The following MATN2 variants were observed in gnomAD, a reference collection of about 807,000 sequenced individuals.
The protein encoded by MATN2 is matrilin-2.
In MATN2, 69 loss-of-function variants were observed where a neutral mutation model predicts 103.2. The ratio of observed to expected loss-of-function variants is 0.67; its 90% CI spans 0.55 to 0.82. The LOEUF (loss-of-function observed/expected upper bound fraction) is 0.82, where lower values mean the gene tolerates loss of function less well. Ranked by LOEUF, MATN2 falls within the 40% of genes least tolerant of loss-of-function variation. The pLI is 0.00. For synonymous variants in MATN2, 429 were observed against 450.2 expected (o/e 0.95, Z 0.60); for missense variants, 1,023 against 1,211.5 (o/e 0.84, Z 2.31).
intron 1 of MATN2, among the ~76,000 whole-genome samples, chr8:97,869,947 A>C (rs1298565577): frequency 6.6e-6 from 1 of 152,132 alleles, no homozygotes; most frequent in East Asian, 1.9e-4. Flanking sequence ...ACTCGCGCCC[A>C]CCCTGAACAA....
chr8:98,028,163 G>A (rs1813880253), intron 14 of MATN2, among the ~76,000 whole-genome samples: 2 of 152,234 alleles, frequency 1.3e-5, no homozygotes, highest in African/African-American at 2.4e-5. Context: ...AACACTGGTC[G>A]GCTTGCTCTA....
chr8:97,915,127 C>T (rs1809578155), intron 2 of MATN2, among the ~76,000 whole-genome samples: 3 of 152,136 alleles, frequency 2.0e-5, no homozygotes, highest in Admixed American at 2.0e-4. Context: ...ACTGGGACTA[C>T]AGGCGCACGC....
chr8:97,908,435 G>T (rs1479543539), intron 2 of MATN2, among the ~76,000 whole-genome samples: 2 of 152,126 alleles, frequency 1.3e-5, no homozygotes, highest in East Asian at 1.9e-4. Flanking sequence ...CATGGTGAGA[G>T]CCCATCTCAA....
intron 4 of MATN2, among the ~76,000 whole-genome samples, chr8:97,949,128 A>G (rs1045376215): frequency 2.3e-4 from 35 of 151,908 alleles, no homozygotes; most frequent in African/African-American, 7.3e-4. Context: ...GAGATGCTCA[A>G]TGTTATCAGA....
At chr8:97,995,240 G>A (rs1812543308) in intron 7 of MATN2, among the ~76,000 whole-genome samples, 1 of 152,186 alleles carries the variant, frequency 6.6e-6, no homozygotes, top group Non-Finnish European at 1.5e-5. Context: ...GGCCCACAAG[G>A]ACAGAGACGA....
In MATN2 at chr8:98,007,626, A is replaced by G. The variant is rs377492439; in HGVS notation, c.1573+25A>G. 3.1e-6 allele frequency: 5 copies of G among 1,597,042 alleles called. No homozygotes were observed. The highest frequency in any genetic ancestry group is 4.3e-6 in the Non-Finnish European group (5 of 1,166,408). ...AGTAAGTGTCTGAAGGACAAGCAGGACCTGCACAGGTGTTCCGTGGGTGCC... is the reference window on the plus strand; with the variant it reads ...AGTAAGTGTCTGAAGGACAAGCAGGGCCTGCACAGGTGTTCCGTGGGTGCC... On this transcript the variant is annotated intron_variant, in intron 10 of 18. Transcript: ENST00000254898. This position sits in a 1 kb window ranked among gnomAD's most constrained non-coding sequence, Gnocchi z 4.2.
At chr8:97,927,290 T>C (rs1340985251) in intron 2 of MATN2, among the ~76,000 whole-genome samples, 1 of 152,018 alleles carries the variant, frequency 6.6e-6, no homozygotes, top group Non-Finnish European at 1.5e-5. Context: ...ATTATGGGCA[T>C]GCACCACCAC....
At chr8:97,987,084 G>A (rs934513172) in intron 6 of MATN2, among the ~76,000 whole-genome samples, 5 of 151,558 alleles carry the variant, frequency 3.3e-5, no homozygotes, top group Admixed American at 1.3e-4. Flanking sequence ...CTTGTGATCC[G>A]CCTGCCTTGG....
intron 6 of MATN2, among the ~76,000 whole-genome samples, chr8:97,979,491 G>T (rs4735518): frequency 0.17 from 25,696 of 152,048 alleles, 2,350 homozygotes; most frequent in Admixed American, 0.28. Context: ...TAGTTCAATT[G>T]GATTTTAACT....
At position 98,021,471 on chromosome 8, in the gene MATN2, G is replaced by T. The variant is rs547126688; in HGVS notation, c.1942+144G>T. The T allele has an allele frequency of 5.5e-6, 5 of 908,580 alleles. No individual in the cohort carries two copies. The East Asian group carries it at 1.3e-4, about 24-fold the overall frequency. 56.3% of individuals were successfully genotyped at this position (908,580 alleles called of 1,614,324 possible). The stretch of plus-strand genomic sequence containing the variant: ...CACAAATACAGAATGGGGAAGAGAG[G>T]GCTTAACTGCAGCACCTGTGAAAAC... On this transcript the variant is annotated intron_variant, in intron 13 of 18. Coordinates refer to ENST00000254898, the MANE Select transcript of MATN2 (RefSeq NM_002380.5).
chr8:97,926,697 G>A lies in MATN2; in HGVS notation c.143-4256G>A, dbSNP rs536027177. Among the ~76,000 whole-genome samples, 5 of 152,252 alleles carry A rather than the reference G, an allele frequency of 3.3e-5. No individual in the cohort carries two copies. The East Asian group carries it at 7.7e-4, about 24-fold the overall frequency. On this transcript the variant is annotated intron_variant, in intron 2 of 18. Transcript: ENST00000254898. ...AGTGGTTATGGTCCCTCATAAAATG[G>A]CAAAGATTTGGGTCCTAGAATCTAT...
At chr8:98,034,142 G>A (rs1814147898) in intron 18 of MATN2, 1 of 454,776 alleles carries the variant, frequency 2.2e-6, no homozygotes, top group Non-Finnish European at 4.4e-6. Flanking sequence ...CTGGAGGACA[G>A]GAGTGGTTTT....
intron 1 of MATN2, among the ~76,000 whole-genome samples, chr8:97,873,922 C>T (rs111566577): frequency 3.4e-4 from 52 of 152,314 alleles, no homozygotes; most frequent in African/African-American, 1.2e-3. Context: ...GGCACCACGC[C>T]TGGCCAGTAA....
intron 10 of MATN2, among the ~76,000 whole-genome samples, chr8:98,009,625 G>T (rs1163114541): frequency 6.6e-6 from 1 of 152,200 alleles, no homozygotes; most frequent in African/African-American, 2.4e-5. Flanking sequence ...GGCCTCTGGA[G>T]CGATGTCCCC....
At chr8:98,004,099 CAACA>C (rs1812877379) in intron 8 of MATN2, 1 of 299,454 alleles carries the variant, frequency 3.3e-6, no homozygotes, top group Non-Finnish European at 6.7e-6. Context: ...CCAGCCTGGC[CAACA>C]TGGTGAAACC....
At chr8:97,996,453 G>A (rs1303026745) in intron 7 of MATN2, among the ~76,000 whole-genome samples, 2 of 152,176 alleles carry the variant, frequency 1.3e-5, no homozygotes, top group African/African-American at 2.4e-5. Flanking sequence ...CTGTGGCCCC[G>A]ACCAGAGTCC....
intron 5 of MATN2, among the ~76,000 whole-genome samples, chr8:97,972,830 C>T (rs1017373248): frequency 6.6e-6 from 1 of 152,206 alleles, no homozygotes; most frequent in African/African-American, 2.4e-5. Flanking sequence ...TGGAGAATTA[C>T]TCTTTCCATT....
At chr8:97,955,543 G>A (rs1157432875) in intron 4 of MATN2, among the ~76,000 whole-genome samples, 3 of 152,228 alleles carry the variant, frequency 2.0e-5, no homozygotes, top group Non-Finnish European at 2.9e-5. Context: ...ATCCCCAGCT[G>A]TCCCATTTCT....
At chr8:97,938,932 C>A (rs1810465302) in intron 3 of MATN2, among the ~76,000 whole-genome samples, 1 of 152,134 alleles carries the variant, frequency 6.6e-6, no homozygotes, top group Non-Finnish European at 1.5e-5. Context: ...TGCAGTGGCA[C>A]AATCTCAGCT....
Sources: allele counts gnomAD v4.1 joint callset (sites outside exome capture counted in the v4.1 genomes callset), GRCh38; gene constraint gnomAD v4.1.1; non-coding constraint Gnocchi (gnomAD v3.1); transcripts MANE v1.5; gene names NCBI Gene and HGNC (gene_info 2026-07-23, HGNC 2026-07-21).